The following TRIM28 variants were observed in gnomAD, a reference collection of about 807,000 sequenced individuals.
TRIM28 encodes tripartite motif containing 28.
TRIM28 carries 8 observed loss-of-function variants against 87.4 expected under a neutral mutation model. The ratio of observed to expected loss-of-function variants is 0.09; its 90% CI spans 0.05 to 0.17. The LOEUF is 0.17. TRIM28 is among the 10% of genes least tolerant of loss of function. The pLI is 1.00. For missense variants in TRIM28, 968 were observed against 1,131.8 expected (o/e 0.86, Z 2.08); for synonymous variants, 601 against 454.3 (o/e 1.32, Z -4.11).
Position 58,548,789 on chromosome 19 carries a change from G to A in TRIM28, c.1360+13G>A. On this transcript the variant is annotated intron_variant, in intron 10 of 16. Coordinates refer to ENST00000253024, the MANE Select transcript of TRIM28 (RefSeq NM_005762.3). ...GGCTTTGGGTCAGGTGAGTGGGTCT[G>A]CCTAGTGGGTGGGGAAGGGCCCCAG... The A allele has an allele frequency of 6.2e-7, 1 of 1,614,112 alleles. No homozygotes were observed. The highest frequency in any genetic ancestry group is 1.1e-5 in the South Asian group (1 of 91,086).
chr19:58,550,160 G>A lies in TRIM28; in HGVS notation c.2207G>A (p.Gly736Asp), dbSNP rs2053803939. Residue 736 changes from glycine (G) to aspartate (D), a missense_variant, in exon 16 of 17, where the codon GGC becomes GAC. By Grantham distance (94) the Gly-to-Asp change is moderately conservative (BLOSUM62 -1). Coordinates refer to ENST00000253024, the MANE Select transcript of TRIM28 (RefSeq NM_005762.3). ...CTCTGCCTGCAGGACCAGCCCGGTG[G>A]CACCCTGGATCTGACCCTGATCCGT... ...DSTFSLDQPG[G>D]TLDLTLIRAR... is the part of the protein sequence containing the mutation. The A allele has an allele frequency of 4.3e-6, 7 of 1,613,792 alleles. No individual in the cohort carries two copies. In the Admixed American group the frequency reaches 6.7e-5, roughly 15 times the overall value.
At position 58,549,600 on chromosome 19, in the gene TRIM28, G is replaced by C; in HGVS notation, c.1932G>C (p.Glu644Asp). The change falls in exon 13 of 17, where the codon GAG (glutamate) becomes GAC (aspartate). Residue 644 changes from glutamate to aspartate, a missense_variant. This residue lies in a region of TRIM28 where 18 missense variants were observed against 40.9 expected (regional missense o/e 0.44). Transcript: ENST00000253024. The surrounding 1 kb of genome is among the most constrained non-coding windows in gnomAD (Gnocchi z 4.4). ...PGDLVMCNQCEFCFHLDCHLP... is the reference protein window; with the variant it reads ...PGDLVMCNQCDFCFHLDCHLP... ...ATCTGGTTATGTGCAACCAGTGTGAGTTTTGTTTCCACCTGGACTGTCACC... is the reference window on the plus strand; with the variant it reads ...ATCTGGTTATGTGCAACCAGTGTGACTTTTGTTTCCACCTGGACTGTCACC... The C allele has an allele frequency of 5.0e-6, 8 of 1,614,070 alleles. No homozygotes were observed. Among genetic ancestry groups the C allele is most frequent in the Non-Finnish European group, 6.8e-6 (8 of 1,179,938 alleles).
chr19:58,546,024 A>C, intron 3 of TRIM28, 128 bp downstream of exon 3: 2 of 1,172,974 alleles, frequency 1.7e-6, no homozygotes, highest in African/African-American at 1.5e-5. Flanking sequence ...GAAGGGCCCG[A>C]GGGCAGAACT....
intron 1 of TRIM28, 113 bp from the exon 2 acceptor site, chr19:58,545,312 A>G: frequency 1.0e-6 from 1 of 962,354 alleles, no homozygotes; most frequent in Non-Finnish European, 1.6e-6. Context: ...CGGGGAGGGG[A>G]GGGGCTGGTT....
chr19:58,546,161 C>T (rs527910878), intron 3 of TRIM28, among the ~76,000 whole-genome samples: 5 of 152,084 alleles, frequency 3.3e-5, no homozygotes, highest in Non-Finnish European at 7.4e-5. Flanking sequence ...GAAGGCTTAT[C>T]AGGGAGTTGT....
Position 58,547,464 on chromosome 19 carries a change from T to C in TRIM28, c.675T>C (p.Asp225=), listed in dbSNP as rs372351878. The change falls in exon 4 of 17, where the codon GAT becomes GAC. Residue 225 remains aspartate (D), a synonymous_variant. Transcript: ENST00000253024. ...EPLVLFCESC[D]TLTCRDCQLN... is the part of the protein sequence containing the mutation. ...TTGTGCTGTTTTGTGAGAGCTGTGA[T>C]ACTCTCACCTGCCGAGACTGCCAGC... is the stretch of plus-strand genomic sequence containing the variant. 6.2e-6 allele frequency: 10 copies of C among 1,613,908 alleles called. No homozygotes were observed. The African/African-American group carries it at 1.3e-4, about 22-fold the overall frequency.
At chr19:58,548,619 G>A (rs1475608306) in intron 9 of TRIM28, 27 bp downstream of exon 9, 4 of 1,610,546 alleles carry the variant, frequency 2.5e-6, no homozygotes, top group Non-Finnish European at 2.5e-6. Flanking sequence ...ACCCAGGAAG[G>A]GGTGGGCAGG....
rs1238086829 is a variant in TRIM28, at chr19:58,544,494, G to C, written c.-264G>C. On this transcript the variant is annotated 5_prime_UTR_variant, in exon 1 of 17. Coordinates refer to ENST00000253024, the MANE Select transcript of TRIM28 (RefSeq NM_005762.3). ...GGCGCGCGGGCGAGCGGTTGTGCTT[G>C]TGCTTGTGGCGCGTGGTGCGGGTTT... 1.3e-5 allele frequency: 2 copies of C among 152,824 alleles called. No homozygotes were observed. The highest frequency in any genetic ancestry group is 1.9e-4 in the East Asian group (1 of 5,186). 9.5% of individuals were successfully genotyped at this position (152,824 alleles called of 1,614,324 possible).
At chr19:58,545,607 C>G (rs529888458) in intron 2 of TRIM28, 70 bp downstream of exon 2, 26 of 1,497,434 alleles carry the variant, frequency 1.7e-5, no homozygotes, top group Non-Finnish European at 2.2e-5. Flanking sequence ...GAGCTTGGCA[C>G]CAGCTCCAGG....
In TRIM28 at chr19:58,547,771, C is replaced by T. The variant is rs200596203; in HGVS notation, c.840-21C>T. 1,990 of 1,613,972 alleles carry T rather than the reference C, an allele frequency of 1.2e-3. 3 individuals carry two copies. Among genetic ancestry groups the T allele is most frequent in the Non-Finnish European group, 1.5e-3 (1,823 of 1,179,914 alleles). On this transcript the variant is annotated intron_variant, in intron 5 of 16. Coordinates refer to ENST00000253024, the MANE Select transcript of TRIM28 (RefSeq NM_005762.3). The stretch of plus-strand genomic sequence containing the variant: ...CCAGGGCAGCAAGACCCTACCTAGC[C>T]TGACCTGCTGTGTCCCCTAGAATCC...
Position 58,547,514 on chromosome 19 carries a change from G to A in TRIM28, c.722+3G>A. 1 of 1,614,022 alleles carries A rather than the reference G, an allele frequency of 6.2e-7. No individual in the cohort carries two copies. The highest frequency in any genetic ancestry group is 8.5e-7 in the Non-Finnish European group (1 of 1,179,974). ...CTCAATGCCCACAAGGACCACCAGTGAGTCCCAAGGCATAGTGGTTGGGTG... is the reference window on the plus strand; with the variant it reads ...CTCAATGCCCACAAGGACCACCAGTAAGTCCCAAGGCATAGTGGTTGGGTG... On this transcript the variant is annotated splice_donor_region_variant and intron_variant, in intron 4 of 16. Transcript: ENST00000253024.
At position 58,546,013 on chromosome 19, in the gene TRIM28, C is replaced by T. The variant is rs1016279190; in HGVS notation, c.586+117C>T. 5.4e-6 allele frequency: 7 copies of T among 1,295,928 alleles called. No individual in the cohort carries two copies. In the East Asian group the frequency reaches 7.4e-5, roughly 14 times the overall value. 80.3% of individuals were successfully genotyped at this position (1,295,928 alleles called of 1,614,324 possible). A position where few individuals can be genotyped will look rare whatever the true frequency, so the allele number is the denominator to read the frequency against. Reference sequence around the variant, plus strand: ...CTAGAGTTCTCTAGGGGGTGCCGCCCGAAGGGCCCGAGGGCAGAACTCCAG... The same window carrying T: ...CTAGAGTTCTCTAGGGGGTGCCGCCTGAAGGGCCCGAGGGCAGAACTCCAG... On this transcript the variant is annotated intron_variant, in intron 3 of 16. Coordinates refer to ENST00000253024, the MANE Select transcript of TRIM28 (RefSeq NM_005762.3).
rs1301401332 is a variant in TRIM28, at chr19:58,547,440, T to C, written c.651T>C (p.Leu217=). The change falls in exon 4 of 17, where the codon CTT becomes CTC. Residue 217 remains leucine (L), a synonymous_variant. Transcript: ENST00000253024. ...GCAACGTACACAAGCATGAACCCCT[T>C]GTGCTGTTTTGTGAGAGCTGTGATA... ...VYCNVHKHEP[L]VLFCESCDTL... is the part of the protein sequence containing the mutation. The C allele has an allele frequency of 2.5e-6, 4 of 1,614,026 alleles. No homozygotes were observed. Among genetic ancestry groups the C allele is most frequent in the Non-Finnish European group, 3.4e-6 (4 of 1,179,992 alleles).
intron 11 of TRIM28, 25 bp downstream of exon 11, chr19:58,548,935 G>A (rs1278104991): frequency 5.6e-6 from 9 of 1,613,974 alleles, no homozygotes; most frequent in Non-Finnish European, 7.6e-6. Context: ...TCCCCTGGGG[G>A]TGAGGTGGAT....
chr19:58,545,050 C>A lies in TRIM28; in HGVS notation c.293C>A (p.Ala98Asp), dbSNP rs1488494232. 6 of 1,457,668 alleles carry A rather than the reference C, an allele frequency of 4.1e-6. No individual in the cohort carries two copies. The highest frequency in any genetic ancestry group is 8.9e-7 in the Non-Finnish European group (1 of 1,118,416). The allele number at this position is 1,457,668 out of a possible 1,614,324, so 90.3% of individuals were successfully genotyped here. A position where few individuals can be genotyped will look rare whatever the true frequency, so the allele number is the denominator to read the frequency against. ...GCCTGCTTAGGGCCCGCGGCCCCCG[C>A]CGCCGCCAACAGCTCGGGGGACGGC... is the stretch of plus-strand genomic sequence containing the variant. ...CSACLGPAAPAAANSSGDGGA... is the reference protein window; with the variant it reads ...CSACLGPAAPDAANSSGDGGA... Residue 98 changes from alanine (A) to aspartate (D), a missense_variant, in exon 1 of 17, where the codon GCC (alanine) becomes GAC (aspartate). By Grantham distance (126) the Ala-to-Asp change is moderately radical. Transcript: ENST00000253024.
chr19:58,548,605 G>C lies in TRIM28; in HGVS notation c.1323+13G>C. The C allele has an allele frequency of 1.9e-6, 3 of 1,611,166 alleles. No homozygotes were observed. The highest frequency in any genetic ancestry group is 2.5e-6 in the Non-Finnish European group (3 of 1,178,798). On this transcript the variant is annotated intron_variant, in intron 9 of 16. Coordinates refer to ENST00000253024, the MANE Select transcript of TRIM28 (RefSeq NM_005762.3). ...TGGCAGCAGCCAGGTGAGCAGGAGA[G>C]AGGACCCAGGAAGGGGTGGGCAGGG...
rs745390598 is a variant in TRIM28, at chr19:58,549,108, A to G, written c.1530A>G (p.Pro510=). ...DSQPPVFKVF[P]GSTTEDYNLI... is the part of the protein sequence containing the mutation. ...AGCCACCCGTCTTCAAGGTCTTCCC[A>G]GGCAGTACCACTGAGGACTACAACC... The change falls in exon 12 of 17, where the codon CCA becomes CCG. Residue 510 remains proline, a synonymous_variant. Transcript: ENST00000253024. The surrounding 1 kb of genome is among the most constrained non-coding windows in gnomAD (Gnocchi z 4.4). 1 of 1,614,152 alleles carries G rather than the reference A, an allele frequency of 6.2e-7. No homozygotes were observed. The highest frequency in any genetic ancestry group is 1.1e-5 in the South Asian group (1 of 91,092).
At chr19:58,548,941 T>G (rs999710984) in intron 11 of TRIM28, 31 bp downstream of exon 11, 28 of 1,613,612 alleles carry the variant, frequency 1.7e-5, no homozygotes, top group Non-Finnish European at 2.3e-5. Context: ...GGGGGTGAGG[T>G]GGATGGAGGG....
rs377351986 is a variant in TRIM28, at chr19:58,549,726, C to G, written c.1983-11C>G. On this transcript the variant is annotated splice_polypyrimidine_tract_variant and intron_variant, in intron 13 of 16. Transcript: ENST00000253024. The surrounding 1 kb of genome is among the most constrained non-coding windows in gnomAD (Gnocchi z 4.4). ...AGGATCATGTGCAGACCCTTATTTT[C>G]TTCACCCTAGGGAGGAGTGGAGCTG... 2.5e-6 allele frequency: 4 copies of G among 1,601,440 alleles called. No homozygotes were observed. In the South Asian group the frequency reaches 4.5e-5, roughly 18 times the overall value.
Sources: allele counts gnomAD v4.1 joint callset (sites outside exome capture counted in the v4.1 genomes callset), GRCh38; gene constraint gnomAD v4.1.1; regional missense constraint gnomAD v4.1.1; non-coding constraint Gnocchi (gnomAD v3.1); transcripts MANE v1.5; gene names NCBI Gene and HGNC (gene_info 2026-07-23, HGNC 2026-07-21).